Variants in ADARB1 observed in about 807,000 individuals in gnomAD.
ADARB1 encodes adenosine deaminase RNA specific B1, also known as double-stranded RNA-specific editase 1.
ADARB1 carries 10 observed loss-of-function variants against 52.4 expected under a neutral mutation model. The observed-to-expected ratio is 0.19, with a 90% CI of 0.12 to 0.32. The LOEUF (loss-of-function observed/expected upper bound fraction) is 0.32. Ranked by LOEUF, ADARB1 falls within the 10% of genes least tolerant of loss-of-function variation. The probability of loss-of-function intolerance (pLI) is 1.00; values close to 1 mark genes in which losing one functional copy is unlikely to be tolerated. For synonymous variants in ADARB1, 349 were observed against 371.1 expected, an observed-to-expected ratio of 0.94 and a Z score of 0.68; for missense variants, 643 against 922.3, an observed-to-expected ratio of 0.70 and a Z score of 3.92.
chr21:45,149,078 A>G (rs2090151516), intron 2 of ADARB1, among the ~76,000 whole-genome samples: 1 of 152,090 alleles, frequency 6.6e-6, no homozygotes, highest in Non-Finnish European at 1.5e-5. Context: ...GCCCGGCACA[A>G]CCCTGACACC....
In ADARB1 at chr21:45,221,092, A is replaced by T. The variant is rs1054342048; in HGVS notation, c.1926+78A>T. The T allele has an allele frequency of 6.9e-7, 1 of 1,455,960 alleles. No individual in the cohort carries two copies. The highest frequency in any genetic ancestry group is 2.5e-5 in the East Asian group (1 of 40,288). 90.2% of individuals were successfully genotyped at this position (1,455,960 alleles called of 1,614,324 possible). ...TCTGTCCTCACACCTACTGTTCCTT[A>T]AGTTGTTTCATCATGTCATCATGCA... On this transcript the variant is annotated intron_variant, in intron 10 of 10. Transcript: ENST00000348831. This position sits in a 1 kb window ranked among gnomAD's most constrained non-coding sequence, Gnocchi z 4.9.
chr21:45,174,857 C>G (rs1279016456), intron 3 of ADARB1, among the ~76,000 whole-genome samples: 2 of 152,034 alleles, frequency 1.3e-5, no homozygotes, highest in Non-Finnish European at 2.9e-5. Flanking sequence ...ACAAATTATT[C>G]TGGAAATTCA....
At chr21:45,103,001 C>T (rs532637728) in intron 1 of ADARB1, among the ~76,000 whole-genome samples, 1 of 152,316 alleles carries the variant, frequency 6.6e-6, no homozygotes, top group East Asian at 1.9e-4. Flanking sequence ...AGTGGGCCTT[C>T]ACCTCTGGGG....
At chr21:45,171,211 T>C (rs1049943235) in intron 2 of ADARB1, among the ~76,000 whole-genome samples, 15 of 152,214 alleles carry the variant, frequency 9.9e-5, no homozygotes, top group African/African-American at 3.6e-4. Context: ...CAAATGCCAG[T>C]GCCTTTGTCC....
At chr21:45,148,453 C>T (rs924570508) in intron 2 of ADARB1, among the ~76,000 whole-genome samples, 2 of 152,228 alleles carry the variant, frequency 1.3e-5, no homozygotes, top group African/African-American at 4.8e-5. Context: ...AGGCTCCTGC[C>T]TTAGCACCAG....
chr21:45,175,712 T>C lies in ADARB1; in HGVS notation c.29-18T>C. 1 of 1,611,968 alleles carries C rather than the reference T, an allele frequency of 6.2e-7. No individual in the cohort carries two copies. The highest frequency in any genetic ancestry group is 1.1e-5 in the South Asian group (1 of 90,756). The stretch of plus-strand genomic sequence containing the variant: ...CTGCAACGAAGGCATTGTAAGTTAC[T>C]CTTTCTGGGCACCACAGGTTCCAGC... On this transcript the variant is annotated intron_variant, in intron 3 of 10. Coordinates refer to ENST00000348831, the MANE Select transcript of ADARB1 (RefSeq NM_001112.4).
intron 1 of ADARB1, among the ~76,000 whole-genome samples, chr21:45,088,762 A>G (rs2123671999): frequency 6.6e-6 from 1 of 152,360 alleles, no homozygotes; most frequent in East Asian, 1.9e-4. Context: ...GGAAGCCAGC[A>G]GACACCACGT....
At chr21:45,194,006 A>T (rs1487940116) in intron 8 of ADARB1, among the ~76,000 whole-genome samples, 1 of 152,240 alleles carries the variant, frequency 6.6e-6, no homozygotes, top group East Asian at 1.9e-4. Context: ...AATGCAAAGG[A>T]CATAGAATAG....
intron 2 of ADARB1, among the ~76,000 whole-genome samples, chr21:45,153,190 G>C (rs117841889): frequency 6.6e-6 from 1 of 152,106 alleles, no homozygotes; most frequent in Non-Finnish European, 1.5e-5. Context: ...CTGCACTCCA[G>C]GTTAATACCA....
chr21:45,217,895 CTTG>C (rs2092897342), intron 9 of ADARB1, among the ~76,000 whole-genome samples: 7 of 152,154 alleles, frequency 4.6e-5, no homozygotes, highest in Admixed American at 4.6e-4. Context: ...GCTTCCCTGA[CTTG>C]TTGTTTGCGT....
At chr21:45,217,701 T>C (rs1255718928) in intron 9 of ADARB1, among the ~76,000 whole-genome samples, 2 of 152,212 alleles carry the variant, frequency 1.3e-5, no homozygotes, top group Non-Finnish European at 2.9e-5. Context: ...TATCATTTTT[T>C]CTTCTGGCTG....
intron 1 of ADARB1, among the ~76,000 whole-genome samples, chr21:45,094,418 G>A (rs113852770): frequency 0.017 from 2,643 of 152,282 alleles, 27 homozygotes; most frequent in South Asian, 0.028. Context: ...ATTTTTGAGA[G>A]TTTTTGATTA....
chr21:45,200,717 C>T lies in ADARB1; in HGVS notation c.1566-3838C>T, dbSNP rs541852037. Reference sequence around the variant, plus strand: ...TCTCTGGCTGGTCCTGGGTTGAAAGCAGGAAGGAATGGGCGTGGGGCAACC... The same window carrying T: ...TCTCTGGCTGGTCCTGGGTTGAAAGTAGGAAGGAATGGGCGTGGGGCAACC... On this transcript the variant is annotated intron_variant, in intron 8 of 10. Coordinates refer to ENST00000348831, the MANE Select transcript of ADARB1 (RefSeq NM_001112.4). This position sits in a 1 kb window ranked among gnomAD's most constrained non-coding sequence, Gnocchi z 5.0. 7.9e-5 allele frequency among the ~76,000 whole-genome samples: 12 copies of T among 152,196 alleles called. No individual in the cohort carries two copies. The highest frequency in any genetic ancestry group is 1.3e-4 in the Non-Finnish European group (9 of 68,004).
At chr21:45,088,175 A>G (rs2086420914) in intron 1 of ADARB1, among the ~76,000 whole-genome samples, 1 of 152,226 alleles carries the variant, frequency 6.6e-6, no homozygotes, top group African/African-American at 2.4e-5. Flanking sequence ...ATACACCTAC[A>G]TATGCATCTC....
intron 9 of ADARB1, among the ~76,000 whole-genome samples, chr21:45,209,720 T>C (rs763879316): frequency 2.6e-5 from 4 of 152,232 alleles, no homozygotes; most frequent in Non-Finnish European, 4.4e-5. Context: ...TTTCAACAGA[T>C]TAAGCCTAGG....
At chr21:45,124,781 G>GTA (rs1569035487) in intron 1 of ADARB1, among the ~76,000 whole-genome samples, 16 of 122,428 alleles carry the variant, frequency 1.3e-4, no homozygotes, top group South Asian at 1.1e-3. Flanking sequence ...GTGTGTGTGT[G>GTA]TGTGTATGTG....
At chr21:45,085,024 G>C (rs1040688751) in intron 1 of ADARB1, among the ~76,000 whole-genome samples, 7 of 152,170 alleles carry the variant, frequency 4.6e-5, no homozygotes, top group African/African-American at 1.7e-4. Context: ...ACAGTACCTG[G>C]TTACCCTGGG....
intron 1 of ADARB1, among the ~76,000 whole-genome samples, chr21:45,080,569 C>T (rs1271765201): frequency 1.3e-5 from 2 of 152,248 alleles, no homozygotes; most frequent in Non-Finnish European, 2.9e-5. Context: ...CGGAATCTCA[C>T]CCTAGGACTC....
intron 9 of ADARB1, among the ~76,000 whole-genome samples, chr21:45,216,306 A>C (rs971997091): frequency 9.9e-5 from 15 of 151,686 alleles, no homozygotes; most frequent in African/African-American, 3.6e-4. Context: ...TATTTCAATA[A>C]TTTTTACTCT....
Sources: gnomAD v4.1 joint callset for allele counts (sites outside exome capture counted in the v4.1 genomes callset) on GRCh38, gnomAD v4.1.1 for gene constraint, Gnocchi (gnomAD v3.1) non-coding constraint, MANE v1.5 for transcripts, NCBI Gene and HGNC (gene_info 2026-07-23, HGNC 2026-07-21) for gene names.